Variants in PDXK observed in about 807,000 individuals in gnomAD.
PDXK encodes pyridoxal kinase.
Under a neutral mutation model 43.2 loss-of-function variants are expected in PDXK, and 15 were observed. The ratio of observed to expected loss-of-function variants is 0.35; its 90% CI spans 0.23 to 0.53. The LOEUF (loss-of-function observed/expected upper bound fraction) is 0.53. PDXK is among the 20% of genes least tolerant of loss of function. PDXK has a pLI of 0.92. For missense variants in PDXK, 343 were observed against 417.0 expected (o/e 0.82, Z 1.54); for synonymous variants, 172 against 165.4 (o/e 1.04, Z -0.31).
chr21:43,732,257 C>G lies in PDXK; in HGVS notation c.88-1812C>G, dbSNP rs1313174022. On this transcript the variant is annotated intron_variant, in intron 1 of 10. Coordinates refer to ENST00000291565, the MANE Select transcript of PDXK (RefSeq NM_003681.5). This position sits in a 1 kb window ranked among gnomAD's most constrained non-coding sequence, Gnocchi z 4.1. Reference sequence around the variant, plus strand: ...AGAGCGCTGGCTTCCAGCTGAAGGACATGTGTAACAGCAGGAGATACCTTT... The same window carrying G: ...AGAGCGCTGGCTTCCAGCTGAAGGAGATGTGTAACAGCAGGAGATACCTTT... 107 of 1,494,678 alleles carry G rather than the reference C, an allele frequency of 7.2e-5. No homozygotes were observed. The highest frequency in any genetic ancestry group is 9.1e-5 in the Non-Finnish European group (102 of 1,126,398). The allele number at this position is 1,494,678 out of a possible 1,614,324, so 92.6% of individuals were successfully genotyped here.
chr21:43,752,592 C>T lies in PDXK; in HGVS notation c.585C>T (p.Gly195=). ...GCTCCGACCTGCCCTCCCCGCAGGGCAGCAACTACCTGATTGTGCTGGGGA... is the reference window on the plus strand; with the variant it reads ...GCTCCGACCTGCCCTCCCCGCAGGGTAGCAACTACCTGATTGTGCTGGGGA... ...ITSSDLPSPQ[G]SNYLIVLGSQ... The change falls in exon 8 of 11, where the codon GGC becomes GGT. Residue 195 remains glycine (G), a synonymous_variant. Transcript: ENST00000291565. The T allele has an allele frequency of 6.2e-7, 1 of 1,612,908 alleles. No individual in the cohort carries two copies. The highest frequency in any genetic ancestry group is 8.5e-7 in the Non-Finnish European group (1 of 1,179,544).
intron 5 of PDXK, among the ~76,000 whole-genome samples, chr21:43,747,679 C>T (rs1426155849): frequency 1.3e-5 from 2 of 152,228 alleles, no homozygotes; most frequent in African/African-American, 2.4e-5. Context: ...TCGGCAGACA[C>T]TTGCGTTTGG....
At chr21:43,750,592 G>A (rs968366738) in intron 7 of PDXK, 47 bp downstream of exon 7, 8 of 1,474,746 alleles carry the variant, frequency 5.4e-6, no homozygotes, top group African/African-American at 4.2e-5. Context: ...TGCCGCTCAC[G>A]GTGGGGACGG....
chr21:43,754,769 TGCAGGTG>T lies in PDXK; in HGVS notation c.760-926_760-920del, dbSNP rs2083817067. ...AAGGAAGAGTTCAGAGGTCAGGACC[TGCAGGTG>T]GCTCTCCCTGTGCTGTCTTTGCCGG... On this transcript the variant is annotated intron_variant, in intron 9 of 10. Coordinates refer to ENST00000291565, the MANE Select transcript of PDXK (RefSeq NM_003681.5). The surrounding 1 kb of genome is among the most constrained non-coding windows in gnomAD (Gnocchi z 5.5). Among the ~76,000 whole-genome samples the T allele has an allele frequency of 6.6e-6, 1 of 152,136 alleles. No homozygotes were observed. The highest frequency in any genetic ancestry group is 1.5e-5 in the Non-Finnish European group (1 of 68,004).
chr21:43,750,507 A>C lies in PDXK; in HGVS notation c.472A>C (p.Ser158Arg). The stretch of plus-strand genomic sequence containing the variant: ...TCCCCGCCTGTCTTCCAGGTTACTG[A>C]GTGGCCGGAAGATCCACAGCCAGGA... ...TPNQFEAELLSGRKIHSQEEA... is the reference protein window; with the variant it reads ...TPNQFEAELLRGRKIHSQEEA... Residue 158 changes from serine (S) to arginine (R), a missense_variant, in exon 7 of 11, where the codon AGT becomes CGT. Transcript: ENST00000291565. 6.2e-7 allele frequency: 1 copy of C among 1,612,622 alleles called. No homozygotes were observed. Among genetic ancestry groups the C allele is most frequent in the Non-Finnish European group, 8.5e-7 (1 of 1,179,230 alleles).
At chr21:43,755,514 C>T (rs1396214482) in intron 9 of PDXK, 184 bp from the exon 10 acceptor site, 2 of 617,002 alleles carry the variant, frequency 3.2e-6, no homozygotes, top group Non-Finnish European at 5.8e-6. Flanking sequence ...CCTCCGGGCT[C>T]TCCGTGGTGG....
At position 43,749,261 on chromosome 21, in the gene PDXK, C is replaced by T. The variant is rs142950288; in HGVS notation, c.464+181C>T. On this transcript the variant is annotated intron_variant, in intron 6 of 10. Coordinates refer to ENST00000291565, the MANE Select transcript of PDXK (RefSeq NM_003681.5). Reference sequence around the variant, plus strand: ...CTGGGATGACAGGCGTGAGCCACCACGCCCGGCTAATTTTTGTATTTTTAG... The same window carrying T: ...CTGGGATGACAGGCGTGAGCCACCATGCCCGGCTAATTTTTGTATTTTTAG... Among the ~76,000 whole-genome samples the T allele has an allele frequency of 6.4e-4, 98 of 152,246 alleles. No individual in the cohort carries two copies. The East Asian group carries it at 8.9e-3, about 14-fold the overall frequency.
chr21:43,727,700 C>T (rs1455342582), intron 1 of PDXK, among the ~76,000 whole-genome samples: 1 of 152,140 alleles, frequency 6.6e-6, no homozygotes, highest in Non-Finnish European at 1.5e-5. Flanking sequence ...TGGGAGGGAG[C>T]CAGCACTAGG....
intron 4 of PDXK, chr21:43,744,630 T>C (rs1292255919): frequency 2.0e-5 from 3 of 152,148 alleles, no homozygotes; most frequent in Non-Finnish European, 4.4e-5. Flanking sequence ...AAATAGCAAG[T>C]GTGAGCGAGG....
Position 43,732,276 on chromosome 21 carries a change from T to C in PDXK, c.88-1793T>C. 3.9e-6 allele frequency: 6 copies of C among 1,541,240 alleles called. No individual in the cohort carries two copies. Among genetic ancestry groups the C allele is most frequent in the Non-Finnish European group, 4.4e-6 (5 of 1,146,694 alleles). On this transcript the variant is annotated intron_variant, in intron 1 of 10. Transcript: ENST00000291565. The surrounding 1 kb of genome is among the most constrained non-coding windows in gnomAD (Gnocchi z 4.1). ...GAAGGACATGTGTAACAGCAGGAGA[T>C]ACCTTTCTCTGGGGTCCCAGGCTCC... is the stretch of plus-strand genomic sequence containing the variant.
At position 43,735,960 on chromosome 21, in the gene PDXK, G is replaced by A. The variant is rs920451788; in HGVS notation, c.142+1837G>A. 2.6e-5 allele frequency among the ~76,000 whole-genome samples: 4 copies of A among 152,302 alleles called. No homozygotes were observed. Among genetic ancestry groups the A allele is most frequent in the Non-Finnish European group, 5.9e-5 (4 of 68,016 alleles). On this transcript the variant is annotated intron_variant, in intron 2 of 10. Transcript: ENST00000291565. The surrounding 1 kb of genome is among the most constrained non-coding windows in gnomAD (Gnocchi z 5.3). ...CGTGTACCTGCCCTGGGTGCCACGG[G>A]AGCTGGTGGTCAAGACGGGGGACTC...
intron 3 of PDXK, 55 bp from the exon 4 acceptor site, chr21:43,743,669 T>C (rs1601818860): frequency 8.2e-7 from 1 of 1,226,958 alleles, no homozygotes; most frequent in South Asian, 1.2e-5. Context: ...TGTGCCACAG[T>C]TGATCGTGGT....
intron 1 of PDXK, chr21:43,719,583 G>T (rs2083189298): frequency 1.0e-6 from 1 of 983,078 alleles, no homozygotes; most frequent in Non-Finnish European, 1.2e-6. Context: ...AGCGCTCTGC[G>T]GGCCCCTGCG....
chr21:43,729,747 C>T (rs2083294320), intron 1 of PDXK, among the ~76,000 whole-genome samples: 1 of 152,042 alleles, frequency 6.6e-6, no homozygotes, highest in African/African-American at 2.4e-5. Flanking sequence ...CAAGACCAGC[C>T]TGGGCAATAT....
At chr21:43,736,015 C>T (rs924836031) in intron 2 of PDXK, among the ~76,000 whole-genome samples, 1 of 152,224 alleles carries the variant, frequency 6.6e-6, no homozygotes, top group Admixed American at 6.5e-5. Context: ...CTCAGCCCCT[C>T]TGGGCTCCCG....
intron 1 of PDXK, among the ~76,000 whole-genome samples, chr21:43,724,947 A>C (rs979209411): frequency 6.6e-6 from 1 of 152,164 alleles, no homozygotes; most frequent in Admixed American, 6.5e-5. Context: ...GTTTTTAAAA[A>C]AAAAAAATCC....
chr21:43,732,332 G>A lies in PDXK; in HGVS notation c.88-1737G>A. ...TGGACCTTGGCACCCCGCCCCCCGT[G>A]CATTGTCGTCTTCTGAGTCTGGCTT... On this transcript the variant is annotated intron_variant, in intron 1 of 10. Coordinates refer to ENST00000291565, the MANE Select transcript of PDXK (RefSeq NM_003681.5). This position sits in a 1 kb window ranked among gnomAD's most constrained non-coding sequence, Gnocchi z 4.1. 4 of 1,606,260 alleles carry A rather than the reference G, an allele frequency of 2.5e-6. No homozygotes were observed. In the African/African-American group the frequency reaches 5.3e-5, roughly 21 times the overall value.
Position 43,732,009 on chromosome 21 carries a change from G to T in PDXK, c.88-2060G>T. On this transcript the variant is annotated intron_variant, in intron 1 of 10. Transcript: ENST00000291565. The surrounding 1 kb of genome is among the most constrained non-coding windows in gnomAD (Gnocchi z 4.1). ...GGGGCATGCGATGAGGAATTCTGCT[G>T]GTGGAGGGAAAGCCACAAAGTGGAT... is the stretch of plus-strand genomic sequence containing the variant. The T allele has an allele frequency of 2.9e-6, 1 of 348,062 alleles. No homozygotes were observed. The highest frequency in any genetic ancestry group is 4.4e-6 in the Non-Finnish European group (1 of 224,776). 21.6% of individuals were successfully genotyped at this position (348,062 alleles called of 1,614,324 possible).
In PDXK at chr21:43,737,751, C is replaced by T. The variant is rs577734838; in HGVS notation, c.142+3628C>T. On this transcript the variant is annotated intron_variant, in intron 2 of 10. Coordinates refer to ENST00000291565, the MANE Select transcript of PDXK (RefSeq NM_003681.5). The surrounding 1 kb of genome is among the most constrained non-coding windows in gnomAD (Gnocchi z 4.8). Reference sequence around the variant, plus strand: ...GACGGACACCAGCGAGGGGCCAGGCCGGGCCAGACTCCCTGGCCGGCTGGG... The same window carrying T: ...GACGGACACCAGCGAGGGGCCAGGCTGGGCCAGACTCCCTGGCCGGCTGGG... 31 of 971,964 alleles carry T rather than the reference C, an allele frequency of 3.2e-5. No homozygotes were observed. The African/African-American group carries it at 4.6e-4, about 14-fold the overall frequency. The allele number at this position is 971,964 out of a possible 1,614,324, so 60.2% of individuals were successfully genotyped here.
Sources: gnomAD v4.1 joint callset for allele counts (sites outside exome capture counted in the v4.1 genomes callset) on GRCh38, gnomAD v4.1.1 for gene constraint, Gnocchi (gnomAD v3.1) non-coding constraint, MANE v1.5 for transcripts, NCBI Gene and HGNC (gene_info 2026-07-23, HGNC 2026-07-21) for gene names.